VAPA: variants seen among roughly 807,000 people sequenced by gnomAD.
VAPA encodes the protein VAMP associated protein A, also known as vesicle-associated membrane protein-associated protein A.
VAPA carries 6 observed loss-of-function variants against 25.6 expected under a neutral mutation model. The ratio of observed to expected loss-of-function variants is 0.23; its 90% CI spans 0.13 to 0.46. The LOEUF (loss-of-function observed/expected upper bound fraction) is 0.46, where lower values mean the gene tolerates loss of function less well. Among genes scored for constraint, VAPA ranks in the 20% least tolerant of loss-of-function variants. The pLI is 0.99. For synonymous variants in VAPA, 112 were observed against 106.2 expected (o/e 1.05, Z -0.34); for missense variants, 244 against 302.1 (o/e 0.81, Z 1.43).
Position 9,959,935 on chromosome 18 carries a change from G to T in VAPA, c.*5724G>T, listed in dbSNP as rs377764353. The T allele has an allele frequency of 2.0e-5, 3 of 151,930 alleles. No individual in the cohort carries two copies. Among genetic ancestry groups the T allele is most frequent in the Non-Finnish European group, 2.9e-5 (2 of 67,952 alleles). 9.4% of individuals were successfully genotyped at this position (151,930 alleles called of 1,614,324 possible). On this transcript the variant is annotated 3_prime_UTR_variant, in exon 6 of 6. Coordinates refer to ENST00000400000, the MANE Select transcript of VAPA (RefSeq NM_194434.3). ...ATAATATGTAGATAAATATATGAGG[G>T]TATTAAGCTACTTTGAATTAAATTT...
At chr18:9,938,737 G>A (rs2069336268) in intron 4 of VAPA, among the ~76,000 whole-genome samples, 1 of 152,200 alleles carries the variant, frequency 6.6e-6, no homozygotes, top group South Asian at 2.1e-4. Context: ...ATCTGGACTT[G>A]TATATTAAAT....
chr18:9,952,522 C>T (rs1291305774), intron 5 of VAPA, among the ~76,000 whole-genome samples: 3 of 150,050 alleles, frequency 2.0e-5, no homozygotes, highest in African/African-American at 2.5e-5. Flanking sequence ...AGCGAGATCA[C>T]GCCATTGTAC....
chr18:9,954,092 A>G lies in VAPA; in HGVS notation c.631A>G (p.Lys211Glu). 1 of 1,614,114 alleles carries G rather than the reference A, an allele frequency of 6.2e-7. No individual in the cohort carries two copies. The highest frequency in any genetic ancestry group is 8.5e-7 in the Non-Finnish European group (1 of 1,179,992). ...LRLRKVAHSDKPGSTSTASFR... is the reference protein window; with the variant it reads ...LRLRKVAHSDEPGSTSTASFR... The stretch of plus-strand genomic sequence containing the variant: ...GCTCAGAAAGGTAGCACATTCGGAT[A>G]AACCTGGATCAACCTCAACTGCATC... Residue 211 changes from lysine to glutamate, a missense_variant, in exon 6 of 6, where the codon AAA becomes GAA. Physicochemically the swap from Lys to Glu is moderately conservative, Grantham distance 56. Coordinates refer to ENST00000400000, the MANE Select transcript of VAPA (RefSeq NM_194434.3).
At chr18:9,938,292 G>A (rs1362183585) in intron 4 of VAPA, among the ~76,000 whole-genome samples, 1 of 152,188 alleles carries the variant, frequency 6.6e-6, no homozygotes, top group Admixed American at 6.5e-5. Flanking sequence ...CTTCTACTGT[G>A]CTCTGGATAG....
At chr18:9,917,929 G>T (rs1224010919) in intron 1 of VAPA, among the ~76,000 whole-genome samples, 1 of 152,070 alleles carries the variant, frequency 6.6e-6, no homozygotes, top group Non-Finnish European at 1.5e-5. Context: ...AGACATGAAT[G>T]TAATCTTTAA....
At chr18:9,948,274 T>C (rs1463025677) in intron 4 of VAPA, 2 of 152,222 alleles carry the variant, frequency 1.3e-5, no homozygotes, top group Non-Finnish European at 1.5e-5. Context: ...ATGGAATGTC[T>C]TCCTATGGAC....
At chr18:9,919,968 G>A (rs6506718) in intron 1 of VAPA, among the ~76,000 whole-genome samples, 21,560 of 152,132 alleles carry the variant, frequency 0.14, 1,693 homozygotes, top group African/African-American at 0.21. Flanking sequence ...AAGTTAGGTT[G>A]AATCTGTGAG....
Position 9,954,263 on chromosome 18 carries a change from A to G in VAPA, c.*52A>G, listed in dbSNP as rs2069520791. On this transcript the variant is annotated 3_prime_UTR_variant, in exon 6 of 6. Coordinates refer to ENST00000400000, the MANE Select transcript of VAPA (RefSeq NM_194434.3). ...TTTTTTTTTTTTCTCTTGACCAGAA[A>G]AAGATTTGTTTACCTACCATTTCAT... 1.3e-6 allele frequency: 2 copies of G among 1,522,308 alleles called. No homozygotes were observed. The highest frequency in any genetic ancestry group is 2.3e-5 in the East Asian group (1 of 44,432). The allele number at this position is 1,522,308 out of a possible 1,614,324, so 94.3% of individuals were successfully genotyped here.
intron 1 of VAPA, among the ~76,000 whole-genome samples, chr18:9,917,316 A>AT (rs1347529586): frequency 6.6e-6 from 1 of 151,678 alleles, no homozygotes; most frequent in Non-Finnish European, 1.5e-5. Context: ...AAATTTTTTT[A>AT]TTTTTTGAGA....
chr18:9,922,327 A>G (rs1012458201), intron 1 of VAPA, among the ~76,000 whole-genome samples: 1 of 152,214 alleles, frequency 6.6e-6, no homozygotes, highest in East Asian at 1.9e-4. Flanking sequence ...ATCCCTAGAT[A>G]CTTGAGTTTG....
At chr18:9,921,016 A>G (rs550007776) in intron 1 of VAPA, among the ~76,000 whole-genome samples, 33 of 152,358 alleles carry the variant, frequency 2.2e-4, no homozygotes, top group Middle Eastern at 6.8e-3. Flanking sequence ...CACATTAGAT[A>G]GTAGTTAGGC....
At chr18:9,929,444 G>T (rs956910956) in intron 1 of VAPA, among the ~76,000 whole-genome samples, 2 of 152,092 alleles carry the variant, frequency 1.3e-5, no homozygotes, top group Non-Finnish European at 1.5e-5. Flanking sequence ...GCTCCTGGCG[G>T]GGTGGGGGTA....
At position 9,945,887 on chromosome 18, in the gene VAPA, T is replaced by G. The variant is rs189563617; in HGVS notation, c.418-4508T>G. Among the ~76,000 whole-genome samples the G allele has an allele frequency of 2.4e-3, 362 of 152,294 alleles. 2 individuals carry two copies. The Middle Eastern group carries it at 0.024, about 10-fold the overall frequency. ...TGTTACTTAAATCCTGTCTCTTAAT[T>G]CATAGGTTAAGACCTTAATTTTGCC... On this transcript the variant is annotated intron_variant, in intron 4 of 5. Coordinates refer to ENST00000400000, the MANE Select transcript of VAPA (RefSeq NM_194434.3).
rs949382374 is a variant in VAPA at position 9,914,248 on chromosome 18, G to C, written c.-9G>C. The C allele has an allele frequency of 6.3e-7, 1 of 1,578,892 alleles. No homozygotes were observed. The highest frequency in any genetic ancestry group is 8.6e-7 in the Non-Finnish European group (1 of 1,164,656). The stretch of plus-strand genomic sequence containing the variant: ...CGCGGGCGCGCCCCCGCTCTGCGCT[G>C]TCTCTCCGATGGCGTCCGCCTCAGG... On this transcript the variant is annotated 5_prime_UTR_variant, in exon 1 of 6. Transcript: ENST00000400000.
At chr18:9,949,932 G>A (rs2069470054) in intron 4 of VAPA, 1 of 153,204 alleles carries the variant, frequency 6.5e-6, no homozygotes, top group Admixed American at 6.5e-5. Flanking sequence ...TTCTTAGGTA[G>A]TTTCCGATTT....
At chr18:9,933,475 A>T (rs554366215) in intron 2 of VAPA, among the ~76,000 whole-genome samples, 1 of 152,250 alleles carries the variant, frequency 6.6e-6, no homozygotes, top group Non-Finnish European at 1.5e-5. Context: ...GAAGGAATGC[A>T]TGCACTCTGC....
At chr18:9,953,071 AC>A (rs1281951295) in intron 5 of VAPA, among the ~76,000 whole-genome samples, 38 of 152,258 alleles carry the variant, frequency 2.5e-4, no homozygotes, top group Non-Finnish European at 2.9e-5. Context: ...AGAGATAAAG[AC>A]AACTGTGTAG....
chr18:9,946,635 A>C (rs1322390205), intron 4 of VAPA, among the ~76,000 whole-genome samples: 1 of 151,954 alleles, frequency 6.6e-6, no homozygotes, highest in Non-Finnish European at 1.5e-5. Context: ...ATAAGAGATA[A>C]AATTGTATAC....
chr18:9,936,278 C>G (rs2069309224), intron 3 of VAPA, 65 bp downstream of exon 3: 1 of 1,049,726 alleles, frequency 9.5e-7, no homozygotes, highest in Non-Finnish European at 1.3e-6. Context: ...GTTTAGCAGT[C>G]AGTAGAAAAA....
Sources: gnomAD v4.1 joint callset for allele counts (sites outside exome capture counted in the v4.1 genomes callset) on GRCh38, gnomAD v4.1.1 for gene constraint, MANE v1.5 for transcripts, NCBI Gene and HGNC (gene_info 2026-07-23, HGNC 2026-07-21) for gene names.